Variants in ZFAT observed in about 807,000 individuals in gnomAD.
ZFAT encodes the protein zinc finger and AT-hook domain containing, also known as zinc finger protein ZFAT.
In ZFAT, 64 loss-of-function variants were observed where a neutral mutation model predicts 117.7. The ratio of observed to expected loss-of-function variants is 0.54; its 90% CI spans 0.44 to 0.67. ZFAT has a LOEUF of 0.67. Ranked by LOEUF, ZFAT falls within the 30% of genes least tolerant of loss-of-function variation. The pLI is 0.00. For synonymous variants in ZFAT, 679 were observed against 615.0 expected, an observed-to-expected ratio of 1.10 and a Z score of -1.54; for missense variants, 1,433 against 1,584.5, an observed-to-expected ratio of 0.90 and a Z score of 1.62.
At chr8:134,547,765 T>C (rs1034598001) in intron 11 of ZFAT, among the ~76,000 whole-genome samples, 1 of 152,228 alleles carries the variant, frequency 6.6e-6, no homozygotes, top group African/African-American at 2.4e-5. Context: ...GGGCTCCTGG[T>C]GGGCTGCAGT....
intron 11 of ZFAT, among the ~76,000 whole-genome samples, chr8:134,554,349 T>C (rs1371890986): frequency 6.6e-6 from 1 of 152,160 alleles, no homozygotes; most frequent in Non-Finnish European, 1.5e-5. Flanking sequence ...ATCTATCAGA[T>C]TGCCAAGGAT....
At chr8:134,804,551 T>C in the ZFAT span, among the ~76,000 whole-genome samples, 2 of 152,278 alleles carry the variant, frequency 1.3e-5, no homozygotes, top group African/African-American at 4.8e-5. Flanking sequence ...GTCTCCTGAA[T>C]TGTTGGGATG....
chr8:134,548,417 G>A lies in ZFAT; in HGVS notation c.2977-15445C>T, dbSNP rs551821752. ...CAAGCACGGAGATGGAGTGGGACAC[G>A]CCACGTCTGCAATGGAGGGTGGAGG... On this transcript the variant is annotated intron_variant, in intron 11 of 15. Transcript: ENST00000377838. Among the ~76,000 whole-genome samples, 17 of 152,260 alleles carry A rather than the reference G, an allele frequency of 1.1e-4. No individual in the cohort carries two copies. The East Asian group carries it at 2.1e-3, about 19-fold the overall frequency.
chr8:134,602,399 C>T lies in ZFAT; in HGVS notation c.1320G>A (p.Gly440=). 1.2e-6 allele frequency: 2 copies of T among 1,613,864 alleles called. No homozygotes were observed. Among genetic ancestry groups the T allele is most frequent in the Non-Finnish European group, 1.7e-6 (2 of 1,180,050 alleles). Residue 440 remains glycine (G), a synonymous_variant, in exon 6 of 16, where the codon GGG becomes GGA. Coordinates refer to ENST00000377838, the MANE Select transcript of ZFAT (RefSeq NM_020863.4). ...WPFACELCGH[G]ATKYQALELH... is the part of the protein sequence containing the mutation. ...GTTCCAGCGCCTGGTACTTGGTGGC[C>T]CCATGGCCACAGAGCTCACAGGCAA...
the ZFAT span, among the ~76,000 whole-genome samples, chr8:134,789,693 A>G: frequency 6.6e-6 from 1 of 152,206 alleles, no homozygotes; most frequent in Admixed American, 6.5e-5. Context: ...GTGGAGTTAT[A>G]GTACCGGACA....
intron 10 of ZFAT, among the ~76,000 whole-genome samples, chr8:134,577,090 C>T (rs1330472433): frequency 3.3e-5 from 5 of 152,296 alleles, no homozygotes; most frequent in Non-Finnish European, 7.3e-5. Flanking sequence ...ATGTCTAGGG[C>T]TTTTTAAAGT....
At position 134,697,682 on chromosome 8, in the gene ZFAT, G is replaced by A. The variant is rs1420156213; in HGVS notation, c.19+15163C>T. ...GCGGAGCTTGCAGTGAGCCGAGATC[G>A]CGCCACTGCACTCCAGCCTGGGCGA... On this transcript the variant is annotated intron_variant, in intron 1 of 15. Coordinates refer to ENST00000377838, the MANE Select transcript of ZFAT (RefSeq NM_020863.4). 5.3e-5 allele frequency among the ~76,000 whole-genome samples: 8 copies of A among 150,730 alleles called. No individual in the cohort carries two copies. The East Asian group carries it at 1.2e-3, about 23-fold the overall frequency.
At chr8:134,821,935 G>T in the ZFAT span, among the ~76,000 whole-genome samples, 4 of 152,082 alleles carry the variant, frequency 2.6e-5, no homozygotes, top group East Asian at 1.9e-4. Flanking sequence ...AGTAAAACAA[G>T]AAGTTGTTTG....
chr8:134,775,490 T>A, the ZFAT span, among the ~76,000 whole-genome samples: 1 of 152,104 alleles, frequency 6.6e-6, no homozygotes. Flanking sequence ...CAGGCAAAAA[T>A]GGGGGAATTA....
intron 2 of ZFAT, among the ~76,000 whole-genome samples, chr8:134,640,611 T>G (rs536223813): frequency 2.0e-5 from 3 of 152,234 alleles, no homozygotes; most frequent in Admixed American, 6.5e-5. Flanking sequence ...CCAGCAAATC[T>G]GGGTGAATTA....
intron 10 of ZFAT, among the ~76,000 whole-genome samples, chr8:134,575,735 G>A (rs1384338809): frequency 6.6e-6 from 1 of 152,182 alleles, no homozygotes. Flanking sequence ...GCTTCTCCAT[G>A]TAGCCCAGCA....
chr8:134,518,834 G>A (rs9324518), intron 13 of ZFAT, among the ~76,000 whole-genome samples: 70,503 of 151,768 alleles, frequency 0.46, 17,277 homozygotes, highest in African/African-American at 0.62. Context: ...ATATGTTATA[G>A]TAAACAGATT....
At chr8:134,592,797 G>A (rs376394470) in intron 7 of ZFAT, among the ~76,000 whole-genome samples, 3 of 152,082 alleles carry the variant, frequency 2.0e-5, no homozygotes, top group Non-Finnish European at 2.9e-5. Context: ...GTTCCCCAGC[G>A]TACACTTAGA....
the ZFAT span, among the ~76,000 whole-genome samples, chr8:134,755,103 T>C: frequency 6.6e-6 from 1 of 152,190 alleles, no homozygotes; most frequent in South Asian, 2.1e-4. Context: ...TTTCATTTTT[T>C]ATTTCAATAG....
intron 5 of ZFAT, among the ~76,000 whole-genome samples, chr8:134,604,969 C>T (rs1301206400): frequency 6.6e-6 from 1 of 152,190 alleles, no homozygotes; most frequent in African/African-American, 2.4e-5. Flanking sequence ...CAAGACTTTG[C>T]ATATTTTCTC....
chr8:134,594,648 C>T (rs536112710), intron 7 of ZFAT, among the ~76,000 whole-genome samples: 1 of 152,196 alleles, frequency 6.6e-6, no homozygotes, highest in Non-Finnish European at 1.5e-5. Context: ...ATGAATTACT[C>T]TGGACAGGCC....
At chr8:134,826,993 G>C in the ZFAT span, among the ~76,000 whole-genome samples, 1 of 152,144 alleles carries the variant, frequency 6.6e-6, no homozygotes, top group Admixed American at 6.5e-5. Context: ...GGGAGAAAAA[G>C]AAATTGCAAT....
chr8:134,584,794 A>C (rs1373488194), intron 9 of ZFAT, among the ~76,000 whole-genome samples: 1 of 151,996 alleles, frequency 6.6e-6, no homozygotes, highest in East Asian at 1.9e-4. Flanking sequence ...GGGCCGGGGG[A>C]AGGGGAAAGA....
chr8:134,687,813 T>C (rs943147746), intron 1 of ZFAT, among the ~76,000 whole-genome samples: 1 of 152,154 alleles, frequency 6.6e-6, no homozygotes, highest in Non-Finnish European at 1.5e-5. Context: ...GAAATAGCAA[T>C]GCCCATCACC....
Sources: gnomAD v4.1 joint callset for allele counts (sites outside exome capture counted in the v4.1 genomes callset) on GRCh38, gnomAD v4.1.1 for gene constraint, MANE v1.5 for transcripts, NCBI Gene and HGNC (gene_info 2026-07-23, HGNC 2026-07-21) for gene names.